The following CACNA1B variants were observed in gnomAD, a reference collection of about 807,000 sequenced individuals.
CACNA1B encodes voltage-dependent N-type calcium channel subunit alpha-1B.
Under a neutral mutation model 247.2 loss-of-function variants are expected in CACNA1B, and 70 were observed. The ratio of observed to expected loss-of-function variants is 0.28; its 90% CI spans 0.23 to 0.35. The LOEUF is 0.35. Ranked by LOEUF, CACNA1B falls within the 10% of genes least tolerant of loss-of-function variation. The pLI is 1.00. For synonymous variants in CACNA1B, 1,231 were observed against 1,294.4 expected (o/e 0.95, Z 1.05); for missense variants, 2,367 against 3,197.4 (o/e 0.74, Z 6.26).
In CACNA1B at chr9:137,880,635, A is replaced by G. The variant is rs959977144; in HGVS notation, c.390+1476A>G. Among the ~76,000 whole-genome samples, 3 of 152,140 alleles carry G rather than the reference A, an allele frequency of 2.0e-5. No individual in the cohort carries two copies. The highest frequency in any genetic ancestry group is 1.5e-5 in the Non-Finnish European group (1 of 67,998). On this transcript the variant is annotated intron_variant, in intron 2 of 46. Coordinates refer to ENST00000371372, the MANE Select transcript of CACNA1B (RefSeq NM_000718.4). The surrounding 1 kb of genome is among the most constrained non-coding windows in gnomAD (Gnocchi z 4.8). ...TTTGTGGTCATAGGTTGGGGAGGAC[A>G]CTTCTAGGAGTGGCGAGCTAACCTG... is the stretch of plus-strand genomic sequence containing the variant.
rs144667879 is a variant in CACNA1B, at chr9:137,990,255, T to C, written c.1974+3401T>C. Among the ~76,000 whole-genome samples, 423 of 152,124 alleles carry C rather than the reference T, an allele frequency of 2.8e-3. No individual in the cohort carries two copies. The highest frequency in any genetic ancestry group is 9.1e-3 in the African/African-American group (378 of 41,476). ...TAATCCTCCTGGGAACATAACTCCA[T>C]TGGACTGAGAACCACACACCCATCC... On this transcript the variant is annotated intron_variant, in intron 15 of 46. Coordinates refer to ENST00000371372, the MANE Select transcript of CACNA1B (RefSeq NM_000718.4). This position sits in a 1 kb window ranked among gnomAD's most constrained non-coding sequence, Gnocchi z 4.5.
chr9:138,017,809 A>C (rs775698073), intron 18 of CACNA1B, among the ~76,000 whole-genome samples: 75 of 152,326 alleles, frequency 4.9e-4, no homozygotes, highest in Non-Finnish European at 8.7e-4. Context: ...GCAGCTTCTC[A>C]TGGGGAAGTG....
chr9:138,112,140 G>T lies in CACNA1B; in HGVS notation c.5429-258G>T, dbSNP rs190563507. Among the ~76,000 whole-genome samples, 330 of 113,440 alleles carry T rather than the reference G, an allele frequency of 2.9e-3. 2 individuals carry two copies. The highest frequency in any genetic ancestry group is 4.8e-3 in the Admixed American group (55 of 11,440). The allele number at this position is 113,440 out of a possible 152,430, so 74.4% of individuals were successfully genotyped here. ...CAGTGCACATGCATGCACACACGTC[G>T]GACACACACGTGTGCACATGAGGTG... On this transcript the variant is annotated intron_variant, in intron 39 of 46. Coordinates refer to ENST00000371372, the MANE Select transcript of CACNA1B (RefSeq NM_000718.4).
chr9:137,983,014 G>A (rs1958312350), intron 12 of CACNA1B, among the ~76,000 whole-genome samples: 1 of 152,216 alleles, frequency 6.6e-6, no homozygotes, highest in Admixed American at 6.5e-5. Flanking sequence ...GTGTCAATCT[G>A]TAGGGAAGTC....
At chr9:137,906,488 T>C (rs2133266698) in intron 3 of CACNA1B, among the ~76,000 whole-genome samples, 1 of 152,348 alleles carries the variant, frequency 6.6e-6, no homozygotes, top group African/African-American at 2.4e-5. Flanking sequence ...TGTTGTGTTA[T>C]TGAACATACG....
In CACNA1B at chr9:138,107,268, A is replaced by G. The variant is rs374816892; in HGVS notation, c.5428+1461A>G. ...TTTATTTATTTATTTATTTATTTAT[A>G]TAGGGTCTCACTGTGTCACCCAGGC... On this transcript the variant is annotated intron_variant, in intron 39 of 46. Coordinates refer to ENST00000371372, the MANE Select transcript of CACNA1B (RefSeq NM_000718.4). Among the ~76,000 whole-genome samples, 6 of 18,404 alleles carry G rather than the reference A, an allele frequency of 3.3e-4. No individual in the cohort carries two copies. In the East Asian group the frequency reaches 5.0e-3, roughly 15 times the overall value. The allele number at this position is 18,404 out of a possible 152,430, so 12.1% of individuals were successfully genotyped here. A position where few individuals can be genotyped will look rare whatever the true frequency, so the allele number is the denominator to read the frequency against.
chr9:138,118,461 TG>T (rs1961955689), intron 43 of CACNA1B, among the ~76,000 whole-genome samples, 190 bp from the exon 44 acceptor site: 1 of 11,032 alleles, frequency 9.1e-5, no homozygotes, highest in African/African-American at 3.7e-4. Context: ...GAGACTGGGG[TG>T]GGGGATATGT....
chr9:137,883,336 G>C (rs1454580315), intron 3 of CACNA1B, among the ~76,000 whole-genome samples: 1 of 152,044 alleles, frequency 6.6e-6, no homozygotes, highest in Non-Finnish European at 1.5e-5. Context: ...CTCACCTGTG[G>C]TGTCCACCTC....
rs1015521219 is a variant in CACNA1B at position 138,100,698 on chromosome 9, G to T, written c.5223-2013G>T. On this transcript the variant is annotated intron_variant, in intron 37 of 46. Transcript: ENST00000371372. This position sits in a 1 kb window ranked among gnomAD's most constrained non-coding sequence, Gnocchi z 4.6. ...TTCAGGGAGACAGGGTCAGTCAGGA[G>T]GCAAATGGGTATGGGCCTCTGAGGT... 6.6e-6 allele frequency among the ~76,000 whole-genome samples: 1 copy of T among 152,146 alleles called. No homozygotes were observed. The highest frequency in any genetic ancestry group is 1.5e-5 in the Non-Finnish European group (1 of 68,026).
chr9:137,952,141 TG>T lies in CACNA1B; in HGVS notation c.967-131del. ...CCCCATGCTTGGACCTCCCTGTGAC[TG>T]GCCTCCCCACTGCCTGGACCCTACC... is the stretch of plus-strand genomic sequence containing the variant. On this transcript the variant is annotated intron_variant, in intron 6 of 46. Coordinates refer to ENST00000371372, the MANE Select transcript of CACNA1B (RefSeq NM_000718.4). The surrounding 1 kb of genome is among the most constrained non-coding windows in gnomAD (Gnocchi z 4.8). 1 of 677,572 alleles carries T rather than the reference TG, an allele frequency of 1.5e-6. No individual in the cohort carries two copies. Among genetic ancestry groups the T allele is most frequent in the Non-Finnish European group, 2.7e-6 (1 of 375,066 alleles). 42.0% of individuals were successfully genotyped at this position (677,572 alleles called of 1,614,324 possible).
chr9:138,056,009 G>A (rs1483516573), intron 26 of CACNA1B, among the ~76,000 whole-genome samples: 2 of 151,494 alleles, frequency 1.3e-5, no homozygotes, highest in African/African-American at 2.4e-5. Flanking sequence ...CCGGGCGACA[G>A]TGTAAGACTC....
chr9:138,115,585 G>C lies in CACNA1B; in HGVS notation c.5683G>C (p.Ala1895Pro). Residue 1895 changes from alanine (A) to proline (P), a missense_variant, in exon 42 of 47, where the codon GCC becomes CCC. Ala to Pro is a conservative substitution (Grantham distance 27, BLOSUM62 -1). Coordinates refer to ENST00000371372, the MANE Select transcript of CACNA1B (RefSeq NM_000718.4). ...GPVSLFHPLK[A>P]TLEQTQPAVL... Reference sequence around the variant, plus strand: ...TGTGTCCCTGTTCCACCCTCTGAAGGCCACCCTGGAGCAGACACAGCCGGC... The same window carrying C: ...TGTGTCCCTGTTCCACCCTCTGAAGCCCACCCTGGAGCAGACACAGCCGGC... The C allele has an allele frequency of 3.7e-6, 6 of 1,613,630 alleles. No homozygotes were observed. Among genetic ancestry groups the C allele is most frequent in the Non-Finnish European group, 4.2e-6 (5 of 1,179,814 alleles).
rs1483595677 is a variant in CACNA1B at position 138,023,799 on chromosome 9, A to G, written c.3056A>G (p.Asn1019Ser). The G allele has an allele frequency of 7.1e-7, 1 of 1,408,848 alleles. No homozygotes were observed. Among genetic ancestry groups the G allele is most frequent in the East Asian group, 2.5e-5 (1 of 40,006 alleles). 87.3% of individuals were successfully genotyped at this position (1,408,848 alleles called of 1,614,324 possible). A position where few individuals can be genotyped will look rare whatever the true frequency, so the allele number is the denominator to read the frequency against. Residue 1019 changes from asparagine (N) to serine (S), a missense_variant, in exon 19 of 47, where the codon AAC (asparagine) becomes AGC (serine). Around this residue, in one of 12 missense-constraint regions of CACNA1B, gnomAD observed 631 missense variants for 631.1 expected, o/e 1.00. Transcript: ENST00000371372. The part of the protein sequence containing the change: ...VEADKEKELR[N>S]HQPREPHCDL... The stretch of plus-strand genomic sequence containing the variant: ...GCCGACAAGGAAAAGGAGCTCCGGA[A>G]CCACCAGCCCCGGTGAGTCCGCGGC...
intron 34 of CACNA1B, 41 bp from the exon 35 acceptor site, chr9:138,075,778 A>G: frequency 7.3e-7 from 1 of 1,368,610 alleles, no homozygotes. Flanking sequence ...CGGCTCCTGC[A>G]GACCCAGCAG....
chr9:138,024,772 C>A (rs1046409916), intron 19 of CACNA1B, among the ~76,000 whole-genome samples, 183 bp from the exon 20 acceptor site: 8 of 152,192 alleles, frequency 5.3e-5, no homozygotes, highest in African/African-American at 1.9e-4. Context: ...ATAGCTGGGA[C>A]TACATGCACG....
At chr9:137,909,651 C>T (rs1046643922) in intron 3 of CACNA1B, among the ~76,000 whole-genome samples, 6 of 152,210 alleles carry the variant, frequency 3.9e-5, no homozygotes, top group Admixed American at 6.5e-5. Flanking sequence ...TTGTGAGTGA[C>T]GCTGCTATGA....
Position 137,891,686 on chromosome 9 carries a change from G to C in CACNA1B, c.530+8803G>C. 4.0e-6 allele frequency: 1 copy of C among 250,976 alleles called. No homozygotes were observed. The highest frequency in any genetic ancestry group is 1.2e-4 in the East Asian group (1 of 8,570). The allele number at this position is 250,976 out of a possible 1,614,324, so 15.5% of individuals were successfully genotyped here. A position where few individuals can be genotyped will look rare whatever the true frequency, so the allele number is the denominator to read the frequency against. ...GATTCACACTGAGGTGAGGATGGTT[G>C]CTAATGGCTTCTCGGGCCCTGGACT... On this transcript the variant is annotated intron_variant, in intron 3 of 46. Transcript: ENST00000371372. This position sits in a 1 kb window ranked among gnomAD's most constrained non-coding sequence, Gnocchi z 4.3.
At chr9:138,112,370 C>T (rs1394950056) in intron 39 of CACNA1B, 28 bp from the exon 40 acceptor site, 3 of 1,546,898 alleles carry the variant, frequency 1.9e-6, no homozygotes, top group Middle Eastern at 1.7e-4. Context: ...TCTGTCTTTT[C>T]CCCTTCCCCA....
intron 3 of CACNA1B, among the ~76,000 whole-genome samples, chr9:137,886,397 G>A (rs1490357549): frequency 5.9e-5 from 9 of 152,180 alleles, no homozygotes; most frequent in Non-Finnish European, 1.3e-4. Flanking sequence ...CTGCCTTCCC[G>A]TCCATGCCCC....
Sources: gnomAD v4.1 joint callset for allele counts (sites outside exome capture counted in the v4.1 genomes callset) on GRCh38, gnomAD v4.1.1 for gene constraint, gnomAD v4.1.1 regional missense constraint, Gnocchi (gnomAD v3.1) non-coding constraint, MANE v1.5 for transcripts, NCBI Gene and HGNC (gene_info 2026-07-23, HGNC 2026-07-21) for gene names.